PTPRD: variants seen among roughly 807,000 people sequenced by gnomAD.
PTPRD encodes receptor-type tyrosine-protein phosphatase delta.
In PTPRD, 34 loss-of-function variants were observed where a neutral mutation model predicts 214.5. The observed-to-expected ratio is 0.16, with a 90% confidence interval of 0.12 to 0.21. The LOEUF (loss-of-function observed/expected upper bound fraction) is 0.21. Among genes scored for constraint, PTPRD ranks in the 10% least tolerant of loss-of-function variants. The pLI is 1.00. For synonymous variants in PTPRD, 1,128 were observed against 845.7 expected (o/e 1.33, Z -5.79); for missense variants, 2,545 against 2,398.7 (o/e 1.06, Z -1.27).
At chr9:9,886,262 T>G (rs532155037) in intron 5 of PTPRD, among the ~76,000 whole-genome samples, 1 of 152,046 alleles carries the variant, frequency 6.6e-6, no homozygotes, top group Non-Finnish European at 1.5e-5. Flanking sequence ...CTGCTCTGGG[T>G]CTCCTGTTTT....
chr9:9,139,424 C>A (rs1164459455), intron 10 of PTPRD, among the ~76,000 whole-genome samples: 1 of 152,144 alleles, frequency 6.6e-6, no homozygotes, highest in Non-Finnish European at 1.5e-5. Flanking sequence ...GTACTTACAT[C>A]CCTATGATAG....
chr9:8,887,930 A>C (rs1217923574), intron 11 of PTPRD, among the ~76,000 whole-genome samples: 1 of 151,894 alleles, frequency 6.6e-6, no homozygotes, highest in Non-Finnish European at 1.5e-5. Flanking sequence ...AACCATCTCA[A>C]TTCTTGGAAA....
chr9:10,248,477 A>G (rs2092416985), intron 3 of PTPRD, among the ~76,000 whole-genome samples: 1 of 144,914 alleles, frequency 6.9e-6, no homozygotes, highest in African/African-American at 2.6e-5. Context: ...CGTGTTAAAC[A>G]TTAGTTCTAC....
intron 2 of PTPRD, among the ~76,000 whole-genome samples, chr9:10,595,950 C>T (rs960580946): frequency 6.6e-6 from 1 of 151,702 alleles, no homozygotes; most frequent in African/African-American, 2.4e-5. Flanking sequence ...TTGCCTCCAC[C>T]CTTTAATCGT....
At chr9:8,844,423 C>T (rs1259507427) in intron 11 of PTPRD, among the ~76,000 whole-genome samples, 2 of 152,120 alleles carry the variant, frequency 1.3e-5, no homozygotes, top group Non-Finnish European at 2.9e-5. Flanking sequence ...TTTTACTAAG[C>T]ATATTTTTTA....
intron 9 of PTPRD, among the ~76,000 whole-genome samples, chr9:9,188,865 A>G (rs1959404): frequency 0.62 from 93,340 of 151,220 alleles, 29,008 homozygotes; most frequent in South Asian, 0.73. Context: ...ATGTCTTGGA[A>G]TCTTTTTACA....
At chr9:10,497,165 G>A (rs13291964) in intron 2 of PTPRD, among the ~76,000 whole-genome samples, 17,693 of 151,870 alleles carry the variant, frequency 0.12, 1,386 homozygotes, top group Non-Finnish European at 0.17. Context: ...AGGGAGGAAT[G>A]GGGGCGTGGG....
At position 8,978,650 on chromosome 9, in the gene PTPRD, C is replaced by T. The variant is rs1006141596; in HGVS notation, c.-104+40047G>A. ...GAGCTGAAACTTACTCCCCACCACC[C>T]CACTTCTCCACCTTGGCTTGTGCCA... On this transcript the variant is annotated intron_variant, in intron 11 of 45. Transcript: ENST00000381196. Among the ~76,000 whole-genome samples, 4 of 152,226 alleles carry T rather than the reference C, an allele frequency of 2.6e-5. No homozygotes were observed. The East Asian group carries it at 5.8e-4, about 22-fold the overall frequency.
chr9:8,525,249 T>C, intron 17 of PTPRD: 5 of 679,462 alleles, frequency 7.4e-6, no homozygotes, highest in Non-Finnish European at 1.3e-5. Flanking sequence ...ATGCTAGCAT[T>C]AGAAATCAAT....
chr9:8,785,454 C>G (rs2095905545), intron 11 of PTPRD, among the ~76,000 whole-genome samples: 1 of 152,128 alleles, frequency 6.6e-6, no homozygotes, highest in Admixed American at 6.5e-5. Flanking sequence ...AATACAAAAT[C>G]CTGAATATCC....
At chr9:10,079,229 T>G (rs1248906702) in intron 3 of PTPRD, among the ~76,000 whole-genome samples, 1 of 152,128 alleles carries the variant, frequency 6.6e-6, no homozygotes, top group Non-Finnish European at 1.5e-5. Flanking sequence ...AGGTTGTGCC[T>G]GACTGTCTAA....
chr9:8,639,176 T>C (rs944073217), intron 12 of PTPRD, among the ~76,000 whole-genome samples: 27 of 152,306 alleles, frequency 1.8e-4, no homozygotes, highest in Admixed American at 1.5e-3. Flanking sequence ...AGTGAGAGGA[T>C]TACAAAACAC....
At chr9:10,125,491 G>C (rs1212018831) in intron 3 of PTPRD, among the ~76,000 whole-genome samples, 1 of 138,942 alleles carries the variant, frequency 7.2e-6, no homozygotes, top group Non-Finnish European at 1.5e-5. Flanking sequence ...GTCTTGCTCT[G>C]TTCCCCAGGT....
At chr9:8,605,678 T>C (rs895926136) in intron 14 of PTPRD, among the ~76,000 whole-genome samples, 1 of 152,200 alleles carries the variant, frequency 6.6e-6, no homozygotes, top group Non-Finnish European at 1.5e-5. Flanking sequence ...CTAAATCACC[T>C]GGCAGAATGC....
intron 8 of PTPRD, among the ~76,000 whole-genome samples, chr9:9,558,479 C>A (rs1460426974): frequency 6.6e-6 from 1 of 152,158 alleles, no homozygotes; most frequent in Non-Finnish European, 1.5e-5. Context: ...TCACACAGGC[C>A]TGCCATACAA....
intron 3 of PTPRD, among the ~76,000 whole-genome samples, chr9:10,079,198 G>T (rs1018987669): frequency 6.6e-6 from 1 of 151,866 alleles, no homozygotes; most frequent in Admixed American, 6.6e-5. Flanking sequence ...GCAAGCTTCC[G>T]AACTCCATGT....
At chr9:10,568,258 T>A (rs977626023) in intron 2 of PTPRD, among the ~76,000 whole-genome samples, 5 of 152,094 alleles carry the variant, frequency 3.3e-5, no homozygotes, top group African/African-American at 1.2e-4. Context: ...AGAATGATGG[T>A]TTCCAGCTTC....
chr9:10,049,407 AAAAG>A (rs1165910757), intron 3 of PTPRD, among the ~76,000 whole-genome samples: 1,530 of 115,698 alleles, frequency 0.013, 35 homozygotes, highest in African/African-American at 0.041. Context: ...TTAAAAAAAA[AAAAG>A]AAAGAAAGAA....
intron 9 of PTPRD, among the ~76,000 whole-genome samples, chr9:9,273,100 T>C (rs1420472439): frequency 6.6e-6 from 1 of 151,348 alleles, no homozygotes; most frequent in African/African-American, 2.4e-5. Flanking sequence ...CATTAGAAGA[T>C]GTACAATATC....
Sources: allele counts gnomAD v4.1 joint callset (sites outside exome capture counted in the v4.1 genomes callset), GRCh38; gene constraint gnomAD v4.1.1; transcripts MANE v1.5; gene names NCBI Gene and HGNC (gene_info 2026-07-23, HGNC 2026-07-21).